The following BTD variants were observed in gnomAD, a reference collection of about 807,000 sequenced individuals.
BTD encodes biocytinase.
BTD carries 13 observed loss-of-function variants against 17.7 expected under a neutral mutation model. The observed-to-expected ratio is 0.74, with a 90% CI of 0.48 to 1.17. The LOEUF is 1.17. Ranked by LOEUF, BTD falls within the 50% of genes most tolerant of loss-of-function variation. BTD has a pLI of 0.00. For synonymous variants in BTD, 240 were observed against 245.2 expected (o/e 0.98, Z 0.20); for missense variants, 674 against 650.4 (o/e 1.04, Z -0.39).
Position 15,686,106 on chromosome 3 carries a change from G to C in BTD, c.400-23954G>C, listed in dbSNP as rs189748658. ...TCTGTGTGCCCGTTGAGAACAGATA[G>C]CATCAGAGGCGTCCTGAGCAACAAC... On this transcript the variant is annotated intron_variant, in intron 3 of 3. Transcript: ENST00000672141. The C allele has an allele frequency of 3.7e-6, 6 of 1,613,008 alleles. No individual in the cohort carries two copies. In the East Asian group the frequency reaches 1.3e-4, roughly 36 times the overall value.
chr3:15,627,955 C>T (rs2065107903), intron 1 of BTD, among the ~76,000 whole-genome samples: 1 of 152,218 alleles, frequency 6.6e-6, no homozygotes, highest in Admixed American at 6.5e-5. Flanking sequence ...CTCCTGACCT[C>T]AGGTGATCTA....
intron 3 of BTD, among the ~76,000 whole-genome samples, chr3:15,672,049 T>C (rs1392248283): frequency 6.6e-6 from 1 of 152,220 alleles, no homozygotes; most frequent in Non-Finnish European, 1.5e-5. Context: ...GTGATTATAC[T>C]ATGGTTTAGT....
intron 1 of BTD, among the ~76,000 whole-genome samples, chr3:15,634,674 G>A (rs1295227274): frequency 6.6e-6 from 1 of 152,168 alleles, no homozygotes; most frequent in Non-Finnish European, 1.5e-5. Context: ...CAAATGAGTA[G>A]GCTTTTGAGC....
intron 1 of BTD, chr3:15,602,231 C>A: frequency 3.0e-6 from 4 of 1,322,750 alleles, no homozygotes; most frequent in Non-Finnish European, 3.9e-6. Flanking sequence ...TAGATCCAGA[C>A]CGTGCCTGAG....
rs397514423 is a variant in BTD at position 15,645,314 on chromosome 3, GT to G, written c.1399del (p.Trp467GlyfsTer14). 3.7e-6 allele frequency: 6 copies of G among 1,614,100 alleles called. No individual in the cohort carries two copies. Among genetic ancestry groups the G allele is most frequent in the African/African-American group, 1.3e-5 (1 of 74,936 alleles). ...CCACGGGGATATTTGAGTTTCACCT[GT>G]GGGGCAACTTCAGTACTTCCTATAT... is the stretch of plus-strand genomic sequence containing the variant. ...EATGIFEFHL[W>X]GNFSTSYIFP... On this transcript the variant is annotated frameshift_variant, in exon 4 of 4. Coordinates refer to ENST00000643237, the MANE Select transcript of BTD (RefSeq NM_001370658.1). LOFTEE classifies it high-confidence loss of function.
chr3:15,700,455 T>G (rs2070395788), intron 3 of BTD, among the ~76,000 whole-genome samples: 1 of 107,546 alleles, frequency 9.3e-6, no homozygotes, highest in Non-Finnish European at 2.2e-5. Context: ...AAAAGTATAA[T>G]GACAAAAAAA....
chr3:15,612,123 A>C (rs1441762263), intron 1 of BTD, among the ~76,000 whole-genome samples: 1 of 151,258 alleles, frequency 6.6e-6, no homozygotes, highest in Admixed American at 6.6e-5. Context: ...CACTGTTACC[A>C]CCTTTTGTTA....
chr3:15,622,470 T>C (rs2064974675), intron 1 of BTD, among the ~76,000 whole-genome samples: 1 of 152,216 alleles, frequency 6.6e-6, no homozygotes, highest in African/African-American at 2.4e-5. Flanking sequence ...TGGCTCACAG[T>C]GTGTTTTGTC....
At chr3:15,628,531 G>A (rs936206735) in intron 1 of BTD, among the ~76,000 whole-genome samples, 5 of 152,174 alleles carry the variant, frequency 3.3e-5, no homozygotes, top group African/African-American at 1.2e-4. Flanking sequence ...AAGGAAATGG[G>A]TAAGAAATTT....
rs1295300917 is a variant in BTD at position 15,676,588 on chromosome 3, AT to A, written c.400-33470del. Reference sequence around the variant, plus strand: ...GCTGCTCACATTATTAAAAATTTTGATTCTTTAAGAAACCTTATTGGCTTAC... The same window carrying A: ...GCTGCTCACATTATTAAAAATTTTGATCTTTAAGAAACCTTATTGGCTTAC... On this transcript the variant is annotated intron_variant, in intron 3 of 3. Transcript: ENST00000672141. 6 of 165,858 alleles carry A rather than the reference AT, an allele frequency of 3.6e-5. No individual in the cohort carries two copies. In the East Asian group the frequency reaches 7.1e-4, roughly 20 times the overall value. 10.3% of individuals were successfully genotyped at this position (165,858 alleles called of 1,614,324 possible). A position where few individuals can be genotyped will look rare whatever the true frequency, so the allele number is the denominator to read the frequency against.
At chr3:15,661,440 C>A (rs59574954) in intron 3 of BTD, among the ~76,000 whole-genome samples, 16,331 of 152,096 alleles carry the variant, frequency 0.11, 1,188 homozygotes, top group East Asian at 0.41. Flanking sequence ...TGCTTATTTG[C>A]CACCTGTATC....
rs796263910 is a variant in BTD at position 15,643,040 on chromosome 3, A to T, written c.399+983A>T. Among the ~76,000 whole-genome samples the T allele has an allele frequency of 4.5e-3, 584 of 130,124 alleles. 6 individuals carry two copies. Among genetic ancestry groups the T allele is most frequent in the African/African-American group, 0.015 (484 of 31,320 alleles). 85.4% of individuals were successfully genotyped at this position (130,124 alleles called of 152,430 possible). A position where few individuals can be genotyped will look rare whatever the true frequency, so the allele number is the denominator to read the frequency against. Reference sequence around the variant, plus strand: ...AAAACTCTGCCTCAAAAAAAAAAAAAAAAATAAAATAAAATAAAGAAATGG... The same window carrying T: ...AAAACTCTGCCTCAAAAAAAAAAAATAAAATAAAATAAAATAAAGAAATGG... On this transcript the variant is annotated intron_variant, in intron 3 of 3. Transcript: ENST00000643237.
At chr3:15,714,545 A>AC (rs771258195), downstream of BTD, 37 of 1,502,686 alleles carry the variant, frequency 2.5e-5, no homozygotes, top group Non-Finnish European at 3.3e-5. Context: ...AAAAAAAAAA[A>AC]AACCCCAAAA....
At chr3:15,656,783 A>G (rs903606631), downstream of BTD, among the ~76,000 whole-genome samples, 2 of 152,202 alleles carry the variant, frequency 1.3e-5, no homozygotes, top group Non-Finnish European at 2.9e-5. Flanking sequence ...TGTTGTGATT[A>G]TCTATTGCTA....
chr3:15,643,151 C>T (rs1207695455), intron 3 of BTD, among the ~76,000 whole-genome samples: 1 of 152,066 alleles, frequency 6.6e-6, no homozygotes, highest in South Asian at 2.1e-4. Flanking sequence ...ACTTTACAGC[C>T]CCAGTCATAC....
At chr3:15,638,573 A>G (rs147965174) in intron 2 of BTD, among the ~76,000 whole-genome samples, 305 of 152,388 alleles carry the variant, frequency 2.0e-3, no homozygotes, top group African/African-American at 6.9e-3. Context: ...CTTCTAAGAC[A>G]AATTGATGGC....
At chr3:15,601,996 G>A in intron 1 of BTD, 102 bp downstream of exon 1, 1 of 1,551,210 alleles carries the variant, frequency 6.4e-7, no homozygotes. Flanking sequence ...GCTGCGCAAA[G>A]GCTGCCGGGA....
In BTD at chr3:15,645,006, A is replaced by G; in HGVS notation, c.1090A>G (p.Thr364Ala). 1 of 1,614,182 alleles carries G rather than the reference A, an allele frequency of 6.2e-7. No individual in the cohort carries two copies. The highest frequency in any genetic ancestry group is 2.2e-5 in the East Asian group (1 of 44,880). ...TCAGGAAGTCCACTGTGATGAGGCC[A>G]CCAAGTGGAACGTGAATGCTCCTCC... is the stretch of plus-strand genomic sequence containing the variant. ...DAQEVHCDEA[T>A]KWNVNAPPTF... is the part of the protein sequence containing the mutation. The change falls in exon 4 of 4, where the codon ACC (threonine) becomes GCC (alanine). Residue 364 changes from threonine to alanine, a missense_variant. Transcript: ENST00000643237.
At chr3:15,626,825 A>G (rs2065079194) in intron 1 of BTD, among the ~76,000 whole-genome samples, 1 of 151,738 alleles carries the variant, frequency 6.6e-6, no homozygotes, top group Admixed American at 6.6e-5. Flanking sequence ...GCTATAGGAC[A>G]TAGGGGAGCT....
Sources: allele counts gnomAD v4.1 joint callset (sites outside exome capture counted in the v4.1 genomes callset), GRCh38; gene constraint gnomAD v4.1.1; transcripts MANE v1.5; gene names NCBI Gene and HGNC (gene_info 2026-07-23, HGNC 2026-07-21).